The following SPMIP4 variants were observed in gnomAD, a reference collection of about 807,000 sequenced individuals.
SPMIP4 encodes sperm microtubule inner protein 4, also known as sperm-associated microtubule inner protein 4.
At chr7:25,166,314 G>A in the SPMIP4 span, among the ~76,000 whole-genome samples, 3 of 139,790 alleles carry the variant, frequency 2.1e-5, no homozygotes, top group Admixed American at 2.4e-4. Context: ...ATTGCCGGGC[G>A]TGGTGGCTCA....
the SPMIP4 span, among the ~76,000 whole-genome samples, chr7:25,176,265 ATGG>A: frequency 6.6e-6 from 1 of 152,192 alleles, no homozygotes; most frequent in Admixed American, 6.5e-5. The surrounding 1 kb of genome is among the most constrained non-coding windows in gnomAD (Gnocchi z 4.4). Context: ...GTGCTTTTTG[ATGG>A]TGCATTCAGA....
At chr7:25,167,679 T>C in the SPMIP4 span, among the ~76,000 whole-genome samples, 1 of 152,362 alleles carries the variant, frequency 6.6e-6, no homozygotes, top group African/African-American at 2.4e-5. Flanking sequence ...AGAGTGTTCA[T>C]AAACCAGATA....
chr7:25,148,605 G>T, the SPMIP4 span, among the ~76,000 whole-genome samples: 1 of 150,992 alleles, frequency 6.6e-6, no homozygotes, highest in East Asian at 2.0e-4. Context: ...CTCCTGAGTA[G>T]CTGAGGTTAC....
At chr7:25,133,024 G>A in the SPMIP4 span, among the ~76,000 whole-genome samples, 1 of 152,160 alleles carries the variant, frequency 6.6e-6, no homozygotes, top group African/African-American at 2.4e-5. Flanking sequence ...TGTAGAGGTA[G>A]TAAAATATCA....
At chr7:25,160,149 A>AG in the SPMIP4 span, among the ~76,000 whole-genome samples, 4 of 142,664 alleles carry the variant, frequency 2.8e-5, no homozygotes, top group South Asian at 6.9e-4. Context: ...AAATCACCAA[A>AG]GGGATAAACC....
At chr7:25,136,720 C>A in the SPMIP4 span, 1 of 1,614,070 alleles carries the variant, frequency 6.2e-7, no homozygotes, top group Non-Finnish European at 8.5e-7. This position sits in a 1 kb window ranked among gnomAD's most constrained non-coding sequence, Gnocchi z 5.7. Context: ...CAGAGAACGT[C>A]GGTTCTGAAT....
chr7:25,154,772 T>C, the SPMIP4 span, among the ~76,000 whole-genome samples: 1 of 152,126 alleles, frequency 6.6e-6, no homozygotes, highest in African/African-American at 2.4e-5. Flanking sequence ...TGGTTTCTGA[T>C]TGTAACATGA....
the SPMIP4 span, among the ~76,000 whole-genome samples, chr7:25,157,522 T>C: frequency 6.6e-6 from 1 of 152,160 alleles, no homozygotes; most frequent in African/African-American, 2.4e-5. Context: ...CTTGCTACGA[T>C]GCGATGAAAA....
the SPMIP4 span, among the ~76,000 whole-genome samples, chr7:25,160,259 A>AAC: frequency 5.6e-3 from 386 of 68,418 alleles, 4 homozygotes; most frequent in Admixed American, 0.012. Context: ...TAAAGAAGTG[A>AAC]TAGTTCCATT....
chr7:25,173,943 C>T, the SPMIP4 span, among the ~76,000 whole-genome samples: 1 of 152,008 alleles, frequency 6.6e-6, no homozygotes, highest in African/African-American at 2.4e-5. This position sits in a 1 kb window ranked among gnomAD's most constrained non-coding sequence, Gnocchi z 4.4. Context: ...ATCATGTCTC[C>T]CTCCCCTTAG....
the SPMIP4 span, among the ~76,000 whole-genome samples, chr7:25,178,146 T>C: frequency 6.6e-6 from 1 of 152,258 alleles, no homozygotes; most frequent in South Asian, 2.1e-4. Context: ...GATCTCGTTT[T>C]TTTATGGCTG....
At chr7:25,147,104 C>T in the SPMIP4 span, among the ~76,000 whole-genome samples, 1 of 151,964 alleles carries the variant, frequency 6.6e-6, no homozygotes, top group Non-Finnish European at 1.5e-5. Context: ...GAGGCCAGCC[C>T]GGACAACAGG....
the SPMIP4 span, among the ~76,000 whole-genome samples, chr7:25,171,032 G>A: frequency 2.0e-5 from 3 of 152,154 alleles, no homozygotes; most frequent in Non-Finnish European, 2.9e-5. Flanking sequence ...GAATCTCTGG[G>A]GATGGGGTGC....
chr7:25,136,079 G>A, the SPMIP4 span: 3,740 of 1,614,102 alleles, frequency 2.3e-3, 11 homozygotes, highest in Non-Finnish European at 2.9e-3. The surrounding 1 kb of genome is among the most constrained non-coding windows in gnomAD (Gnocchi z 5.7). Context: ...TTATGGAAAC[G>A]CTTTTGTGCA....
the SPMIP4 span, among the ~76,000 whole-genome samples, chr7:25,147,660 G>A: frequency 6.6e-6 from 1 of 152,264 alleles, no homozygotes; most frequent in East Asian, 1.9e-4. Context: ...AAAGGTTAAC[G>A]TTCTTATGTG....
At chr7:25,165,276 G>C in the SPMIP4 span, among the ~76,000 whole-genome samples, 2 of 151,906 alleles carry the variant, frequency 1.3e-5, no homozygotes, top group African/African-American at 2.4e-5. Flanking sequence ...TTTCATATAG[G>C]ATGCATTGGT....
At chr7:25,127,456 G>C in the SPMIP4 span, among the ~76,000 whole-genome samples, 1 of 152,192 alleles carries the variant, frequency 6.6e-6, no homozygotes, top group East Asian at 1.9e-4. Flanking sequence ...CCTTCTGTTT[G>C]ATCAATTCTG....
At chr7:25,136,700 C>G in the SPMIP4 span, 5 of 1,614,168 alleles carry the variant, frequency 3.1e-6, no homozygotes, top group Non-Finnish European at 4.2e-6. This position sits in a 1 kb window ranked among gnomAD's most constrained non-coding sequence, Gnocchi z 5.7. Context: ...CTTTGCTGGA[C>G]TATAGCCTCC....
the SPMIP4 span, among the ~76,000 whole-genome samples, chr7:25,139,246 C>A: frequency 1.3e-5 from 2 of 151,970 alleles, no homozygotes; most frequent in Non-Finnish European, 2.9e-5. Context: ...CTAATGTCTG[C>A]AATTTACTCT....
Sources: gnomAD v4.1 joint callset for allele counts (sites outside exome capture counted in the v4.1 genomes callset) on GRCh38, gnomAD v4.1.1 for gene constraint, Gnocchi (gnomAD v3.1) non-coding constraint, MANE v1.5 for transcripts, NCBI Gene and HGNC (gene_info 2026-07-23, HGNC 2026-07-21) for gene names.